ACYP2: variants seen among roughly 807,000 people sequenced by gnomAD.
ACYP2 encodes the protein acylphosphatase 2.
In ACYP2, 12 loss-of-function variants were observed where a neutral mutation model predicts 11.2. The observed-to-expected ratio is 1.08, with a 90% CI of 0.69 to 1.74. The LOEUF (loss-of-function observed/expected upper bound fraction) is 1.74, where lower values mean the gene tolerates loss of function less well. Ranked by LOEUF, ACYP2 falls within the 40% of genes most tolerant of loss-of-function variation. The probability of loss-of-function intolerance (pLI) is 0.00; values close to 1 mark genes in which losing one functional copy is unlikely to be tolerated. For missense variants in ACYP2, 134 were observed against 101.9 expected, an observed-to-expected ratio of 1.31 and a Z score of -1.35; for synonymous variants, 43 against 32.2, an observed-to-expected ratio of 1.33 and a Z score of -1.13.
chr2:54,291,000 C>G (rs1261751678), intron 6 of ACYP2, among the ~76,000 whole-genome samples: 8 of 152,304 alleles, frequency 5.3e-5, no homozygotes, highest in Non-Finnish European at 1.5e-5. Flanking sequence ...CACAGGCAGA[C>G]AGCTAGAAAG....
chr2:54,215,144 T>G (rs1685506739), intron 6 of ACYP2, among the ~76,000 whole-genome samples: 1 of 152,220 alleles, frequency 6.6e-6, no homozygotes, highest in Non-Finnish European at 1.5e-5. Flanking sequence ...TAGGAACCTT[T>G]GGGCAGAGAC....
At chr2:54,122,031 A>T (rs1167063288) in intron 4 of ACYP2, among the ~76,000 whole-genome samples, 1 of 152,242 alleles carries the variant, frequency 6.6e-6, no homozygotes, top group Non-Finnish European at 1.5e-5. Flanking sequence ...ACTGATGGTG[A>T]AAGGTTAAGT....
At chr2:53,984,954 A>AT (rs1357843482) in intron 2 of ACYP2, among the ~76,000 whole-genome samples, 1 of 152,162 alleles carries the variant, frequency 6.6e-6, no homozygotes, top group Non-Finnish European at 1.5e-5. Context: ...AAGCCAACAC[A>AT]TTAAACTCAA....
At chr2:54,033,561 A>T (rs1299038590) in intron 2 of ACYP2, among the ~76,000 whole-genome samples, 1 of 152,144 alleles carries the variant, frequency 6.6e-6, no homozygotes, top group Non-Finnish European at 1.5e-5. Context: ...TGGGGGAATG[A>T]TGAAAATTGT....
chr2:54,055,124 C>T (rs1043831667), intron 3 of ACYP2, among the ~76,000 whole-genome samples: 3 of 152,134 alleles, frequency 2.0e-5, no homozygotes, highest in African/African-American at 4.8e-5. Flanking sequence ...GCACCCTCCA[C>T]CTCCCGGGTT....
chr2:54,012,243 A>G (rs573068608), intron 2 of ACYP2, among the ~76,000 whole-genome samples: 1 of 152,258 alleles, frequency 6.6e-6, no homozygotes, highest in Non-Finnish European at 1.5e-5. Context: ...CTCAAAAAAA[A>G]AAAAAAAATA....
chr2:54,234,077 G>A (rs553659467), intron 6 of ACYP2, among the ~76,000 whole-genome samples: 3 of 152,142 alleles, frequency 2.0e-5, no homozygotes, highest in Non-Finnish European at 4.4e-5. Flanking sequence ...AGGTCTGTAG[G>A]TGGTTGCCTA....
chr2:54,138,245 C>G (rs1413206568), intron 5 of ACYP2, among the ~76,000 whole-genome samples: 1 of 152,038 alleles, frequency 6.6e-6, no homozygotes, highest in African/African-American at 2.4e-5. Flanking sequence ...TGTTTTTTCT[C>G]AGTGATTGAG....
chr2:54,178,019 C>G (rs1052847910), intron 6 of ACYP2, among the ~76,000 whole-genome samples: 4 of 151,578 alleles, frequency 2.6e-5, no homozygotes, highest in East Asian at 3.9e-4. Context: ...ATTCTCCTGC[C>G]TTAGCCTCCA....
intron 2 of ACYP2, among the ~76,000 whole-genome samples, chr2:54,038,475 T>G (rs1027144606): frequency 2.6e-5 from 4 of 151,934 alleles, no homozygotes; most frequent in Non-Finnish European, 5.9e-5. Flanking sequence ...CGTGGTGCTA[T>G]TCTAAGCACT....
chr2:54,098,760 A>G (rs1362705151), intron 4 of ACYP2, among the ~76,000 whole-genome samples: 1 of 142,284 alleles, frequency 7.0e-6, no homozygotes, highest in Non-Finnish European at 1.5e-5. Flanking sequence ...ACAGGGTCTC[A>G]CTCTGTCACC....
chr2:54,152,976 T>G (rs1477156000), intron 6 of ACYP2, among the ~76,000 whole-genome samples: 1 of 152,196 alleles, frequency 6.6e-6, no homozygotes, highest in Non-Finnish European at 1.5e-5. Context: ...TTCTTCCAAG[T>G]TTTGTCAATT....
intron 6 of ACYP2, among the ~76,000 whole-genome samples, chr2:54,197,581 G>A (rs1204261496): frequency 1.3e-5 from 2 of 152,194 alleles, no homozygotes. Context: ...CTCCTTAGAT[G>A]GGGTGGCCAG....
At position 54,217,859 on chromosome 2, in the gene ACYP2, A is replaced by G. The variant is rs1356354383; in HGVS notation, c.404+79111A>G. ...TAACTGGAGTGAGATGAGGGTTGAA[A>G]AAAGCTAGTTTTTTGTCTGCTTTGT... On this transcript the variant is annotated intron_variant, in intron 6 of 6. Transcript: ENST00000607452. Among the ~76,000 whole-genome samples the G allele has an allele frequency of 2.0e-5, 3 of 152,322 alleles. No individual in the cohort carries two copies. The East Asian group carries it at 5.8e-4, about 29-fold the overall frequency.
intron 6 of ACYP2, among the ~76,000 whole-genome samples, chr2:54,208,894 G>A (rs990916483): frequency 3.3e-5 from 5 of 151,920 alleles, no homozygotes; most frequent in African/African-American, 1.2e-4. Context: ...TGTTCATTGA[G>A]GCAATTTGTA....
chr2:54,102,418 C>A (rs922373672), intron 4 of ACYP2, among the ~76,000 whole-genome samples: 1 of 152,024 alleles, frequency 6.6e-6, no homozygotes, highest in Admixed American at 6.6e-5. Flanking sequence ...GATTCAAGAA[C>A]TCAAATGATG....
At chr2:54,231,947 C>T (rs914212165) in intron 6 of ACYP2, among the ~76,000 whole-genome samples, 1 of 152,180 alleles carries the variant, frequency 6.6e-6, no homozygotes, top group Non-Finnish European at 1.5e-5. Context: ...TGGTTTCTGA[C>T]TTTCTACCAT....
chr2:54,115,172 G>A (rs866700493), intron 4 of ACYP2, among the ~76,000 whole-genome samples: 2 of 151,972 alleles, frequency 1.3e-5, no homozygotes, highest in Non-Finnish European at 2.9e-5. Context: ...ATTGATGAGA[G>A]TAGATCTTAA....
At chr2:53,984,942 G>A (rs1318164238) in intron 2 of ACYP2, among the ~76,000 whole-genome samples, 3 of 151,894 alleles carry the variant, frequency 2.0e-5, no homozygotes, top group African/African-American at 7.3e-5. Flanking sequence ...ATGAAACTTT[G>A]GAAGCCAACA....
Sources: gnomAD v4.1 joint callset for allele counts (sites outside exome capture counted in the v4.1 genomes callset) on GRCh38, gnomAD v4.1.1 for gene constraint, MANE v1.5 for transcripts, NCBI Gene and HGNC (gene_info 2026-07-23, HGNC 2026-07-21) for gene names.